The following NRXN1 variants were observed in gnomAD, a reference collection of about 807,000 sequenced individuals.
The protein encoded by NRXN1 is neurexin 1.
NRXN1 carries 39 observed loss-of-function variants against 150.9 expected under a neutral mutation model. The ratio of observed to expected loss-of-function variants is 0.26; its 90% CI spans 0.20 to 0.34. The LOEUF (loss-of-function observed/expected upper bound fraction) is 0.34, where lower values mean the gene tolerates loss of function less well. Ranked by LOEUF, NRXN1 falls within the 10% of genes least tolerant of loss-of-function variation. The pLI is 1.00. For missense variants in NRXN1, 1,815 were observed against 1,949.9 expected, an observed-to-expected ratio of 0.93 and a Z score of 1.30; for synonymous variants, 924 against 757.0, an observed-to-expected ratio of 1.22 and a Z score of -3.62.
chr2:50,336,104 T>C (rs2077176226), intron 17 of NRXN1, among the ~76,000 whole-genome samples: 1 of 152,216 alleles, frequency 6.6e-6, no homozygotes, highest in Non-Finnish European at 1.5e-5. Context: ...GTAGACGCAA[T>C]GAGAATTATA....
chr2:50,490,660 A>C (rs1056851326), intron 15 of NRXN1, among the ~76,000 whole-genome samples: 1 of 152,208 alleles, frequency 6.6e-6, no homozygotes, highest in Non-Finnish European at 1.5e-5. Context: ...CAGCAGGCAG[A>C]GAGGAGCCAT....
chr2:50,132,032 T>C (rs1705585009), intron 18 of NRXN1, among the ~76,000 whole-genome samples: 1 of 152,214 alleles, frequency 6.6e-6, no homozygotes, highest in Non-Finnish European at 1.5e-5. Flanking sequence ...ATTACCTTTT[T>C]CCATTTGCAA....
At chr2:50,164,685 C>T (rs1419316816) in intron 18 of NRXN1, among the ~76,000 whole-genome samples, 1 of 152,112 alleles carries the variant, frequency 6.6e-6, no homozygotes, top group Non-Finnish European at 1.5e-5. Flanking sequence ...TGATCAATAG[C>T]AACCCCCACC....
intron 8 of NRXN1, among the ~76,000 whole-genome samples, chr2:50,584,995 G>A (rs774078912): frequency 1.1e-4 from 17 of 152,062 alleles, no homozygotes; most frequent in South Asian, 2.1e-4. Context: ...AACTTGAGTC[G>A]TGCACACAAA....
At chr2:49,925,204 C>T (rs1572871800) in intron 22 of NRXN1, among the ~76,000 whole-genome samples, 2 of 150,056 alleles carry the variant, frequency 1.3e-5, no homozygotes, top group South Asian at 2.1e-4. Context: ...TGCTTGAACC[C>T]GGGAGGCAGA....
At chr2:50,543,816 G>A (rs1305236981) in intron 9 of NRXN1, among the ~76,000 whole-genome samples, 6 of 152,110 alleles carry the variant, frequency 3.9e-5, no homozygotes, top group African/African-American at 1.4e-4. Flanking sequence ...TTTAAAATAA[G>A]TTAAGTTGAT....
intron 2 of NRXN1, among the ~76,000 whole-genome samples, chr2:51,013,364 T>G (rs1668189369): frequency 6.6e-6 from 1 of 151,942 alleles, no homozygotes; most frequent in Non-Finnish European, 1.5e-5. Flanking sequence ...GGGAAGTAAT[T>G]CATGGGCCAA....
chr2:50,233,324 C>A (rs1215517874), intron 18 of NRXN1, among the ~76,000 whole-genome samples: 1 of 151,938 alleles, frequency 6.6e-6, no homozygotes, highest in African/African-American at 2.4e-5. Flanking sequence ...ATCCATCTAT[C>A]AAAACTGGGC....
chr2:50,030,948 C>T (rs1689087559), intron 21 of NRXN1, among the ~76,000 whole-genome samples: 1 of 152,016 alleles, frequency 6.6e-6, no homozygotes, highest in African/African-American at 2.4e-5. Context: ...TGTATATATA[C>T]TTTCAGGCAG....
intron 5 of NRXN1, among the ~76,000 whole-genome samples, chr2:50,777,477 T>A (rs552739338): frequency 1.1e-4 from 16 of 152,242 alleles, no homozygotes; most frequent in African/African-American, 3.9e-4. Flanking sequence ...CATTTAACAA[T>A]CAGAATTGCT....
intron 18 of NRXN1, among the ~76,000 whole-genome samples, chr2:50,133,316 G>A (rs899719678): frequency 6.6e-6 from 1 of 152,196 alleles, no homozygotes; most frequent in African/African-American, 2.4e-5. Context: ...CTCCAGTGTG[G>A]AGGTTGCTGA....
At chr2:50,003,665 A>G (rs985008103) in intron 21 of NRXN1, among the ~76,000 whole-genome samples, 1 of 152,306 alleles carries the variant, frequency 6.6e-6, no homozygotes. Flanking sequence ...AAAGTCGGTT[A>G]TAAATTTTAA....
At chr2:49,981,210 C>G (rs534217800) in intron 21 of NRXN1, among the ~76,000 whole-genome samples, 4 of 152,198 alleles carry the variant, frequency 2.6e-5, no homozygotes, top group African/African-American at 9.6e-5. Flanking sequence ...GATCCAACCT[C>G]AAGACCCAAA....
chr2:50,111,890 A>G (rs1702420500), intron 18 of NRXN1, among the ~76,000 whole-genome samples: 1 of 152,160 alleles, frequency 6.6e-6, no homozygotes, highest in Admixed American at 6.5e-5. Context: ...ATGCTAATGG[A>G]CCTTAGCACA....
intron 8 of NRXN1, among the ~76,000 whole-genome samples, chr2:50,568,741 CA>C (rs1558949943): frequency 6.6e-6 from 1 of 151,722 alleles, no homozygotes; most frequent in Non-Finnish European, 1.5e-5. Flanking sequence ...GGAGTTTCCT[CA>C]AAAAAACTAA....
chr2:49,924,027 CT>C (rs1318884674), intron 22 of NRXN1, among the ~76,000 whole-genome samples: 1 of 152,184 alleles, frequency 6.6e-6, no homozygotes, highest in Non-Finnish European at 1.5e-5. Flanking sequence ...AGAATAGAAT[CT>C]ACTGCAGTAA....
At chr2:50,280,719 G>A (rs1302349802) in intron 17 of NRXN1, among the ~76,000 whole-genome samples, 1 of 152,106 alleles carries the variant, frequency 6.6e-6, no homozygotes, top group South Asian at 2.1e-4. Context: ...CTCTGACGGC[G>A]CTCTAATTGA....
At chr2:50,388,512 C>A (rs950018988) in intron 17 of NRXN1, among the ~76,000 whole-genome samples, 7 of 152,034 alleles carry the variant, frequency 4.6e-5, no homozygotes, top group Non-Finnish European at 8.8e-5. Context: ...TGTATACAAA[C>A]CAGGGTTTGG....
chr2:50,497,536 C>G lies in NRXN1; in HGVS notation c.2676G>C (p.Glu892Asp). 1 of 1,613,874 alleles carries G rather than the reference C, an allele frequency of 6.2e-7. No homozygotes were observed. Residue 892 changes from glutamate (E) to aspartate (D), a missense_variant, in exon 14 of 23, where the codon GAG (glutamate) becomes GAC (aspartate). Glu to Asp is a conservative substitution (Grantham distance 45). Around this residue, in one of 6 missense-constraint regions of NRXN1, gnomAD observed 638 missense variants for 652.6 expected, o/e 0.98. Coordinates refer to ENST00000401669, the MANE Select transcript of NRXN1 (RefSeq NM_001330078.2). ...TCCTGAAGCCAAATCTGGCATTAAG[C>G]TCACAGTAATCTATGTCGCCATTTT... The part of the protein sequence containing the change: ...LCKNGDIDYC[E>D]LNARFGFRNI...
Sources: allele counts gnomAD v4.1 joint callset (sites outside exome capture counted in the v4.1 genomes callset), GRCh38; gene constraint gnomAD v4.1.1; regional missense constraint gnomAD v4.1.1; transcripts MANE v1.5; gene names NCBI Gene and HGNC (gene_info 2026-07-23, HGNC 2026-07-21).